GPATCH2: variants seen among roughly 807,000 people sequenced by gnomAD.
The protein encoded by GPATCH2 is G-patch domain containing 2.
A neutral mutation model predicts 58.0 loss-of-function variants in GPATCH2; 51 were observed. The observed-to-expected ratio is 0.88, with a 90% CI of 0.70 to 1.11. The LOEUF is 1.11. Ranked by LOEUF, GPATCH2 falls within the 50% of genes most tolerant of loss-of-function variation. The probability of loss-of-function intolerance (pLI) is 0.00; values close to 1 mark genes in which losing one functional copy is unlikely to be tolerated. For synonymous variants in GPATCH2, 222 were observed against 218.5 expected (o/e 1.02, Z -0.14); for missense variants, 625 against 652.2 (o/e 0.96, Z 0.45).
At chr1:217,489,738 T>A (rs2102530374) in intron 8 of GPATCH2, among the ~76,000 whole-genome samples, 1 of 152,302 alleles carries the variant, frequency 6.6e-6, no homozygotes, top group African/African-American at 2.4e-5. Flanking sequence ...GGCACATGCC[T>A]GTAATCCCAG....
intron 5 of GPATCH2, among the ~76,000 whole-genome samples, chr1:217,561,060 A>G (rs1216401487): frequency 6.6e-6 from 1 of 152,188 alleles, no homozygotes; most frequent in Non-Finnish European, 1.5e-5. Context: ...GAGTAATTCC[A>G]TTCACTTCTG....
intron 5 of GPATCH2, among the ~76,000 whole-genome samples, chr1:217,583,692 C>A (rs1452611967): frequency 6.7e-6 from 1 of 148,738 alleles, no homozygotes; most frequent in African/African-American, 2.5e-5. Flanking sequence ...ACAGGAAGCA[C>A]AACATAAAAA....
chr1:217,450,699 T>C (rs1659622302), intron 8 of GPATCH2, among the ~76,000 whole-genome samples: 1 of 152,184 alleles, frequency 6.6e-6, no homozygotes, highest in Non-Finnish European at 1.5e-5. Context: ...TTCATTCTGT[T>C]AATGACTAAC....
intron 5 of GPATCH2, among the ~76,000 whole-genome samples, chr1:217,565,639 C>A (rs57782356): frequency 0.03 from 4,615 of 152,176 alleles, 243 homozygotes; most frequent in African/African-American, 0.11. Context: ...TGTGAGGTTT[C>A]TTTTTCTTTT....
intron 9 of GPATCH2, among the ~76,000 whole-genome samples, chr1:217,438,188 A>T (rs561975768): frequency 6.6e-6 from 1 of 152,278 alleles, no homozygotes; most frequent in African/African-American, 2.4e-5. Context: ...TAGCATCAAC[A>T]TCAACAAAAA....
chr1:217,534,597 T>A (rs1006072308), intron 5 of GPATCH2, among the ~76,000 whole-genome samples: 32 of 151,268 alleles, frequency 2.1e-4, no homozygotes, highest in Admixed American at 8.6e-4. Context: ...AAAGAACATT[T>A]AGGATATCTA....
intron 5 of GPATCH2, among the ~76,000 whole-genome samples, chr1:217,532,877 CTTTTTTTTGTTT>C (rs1393937700): frequency 7.4e-6 from 1 of 134,270 alleles, no homozygotes; most frequent in Non-Finnish European, 1.6e-5. Flanking sequence ...TGCTCTTTAT[CTTTTTTTTGTTT>C]TTTTTTTTTT....
chr1:217,480,379 G>A (rs1433718651), intron 8 of GPATCH2, among the ~76,000 whole-genome samples: 1 of 152,122 alleles, frequency 6.6e-6, no homozygotes, highest in Non-Finnish European at 1.5e-5. Context: ...ATGGCAAACA[G>A]GCATATGAAA....
At chr1:217,579,450 G>C (rs575526492) in intron 5 of GPATCH2, among the ~76,000 whole-genome samples, 1 of 151,894 alleles carries the variant, frequency 6.6e-6, no homozygotes, top group Non-Finnish European at 1.5e-5. Context: ...AAATTCGCTT[G>C]ACTTAATATT....
Position 217,522,055 on chromosome 1 carries a change from T to C in GPATCH2, c.1099-7166A>G, listed in dbSNP as rs1201745820. ...GAAAATTATACTGTTTAGAAATATA[T>C]ACATACACATATAGTTGTATGTATG... is the stretch of plus-strand genomic sequence containing the variant. On this transcript the variant is annotated intron_variant, in intron 5 of 9. Coordinates refer to ENST00000366935, the MANE Select transcript of GPATCH2 (RefSeq NM_018040.5). Among the ~76,000 whole-genome samples, 3 of 152,338 alleles carry C rather than the reference T, an allele frequency of 2.0e-5. No homozygotes were observed. The East Asian group carries it at 5.8e-4, about 29-fold the overall frequency.
In GPATCH2 at chr1:217,452,021, G is replaced by A. The variant is rs541032142; in HGVS notation, c.1278-2684C>T. ...GTTGGCAGAAGGGACTGTATAACAC[G>A]AATGGAAAAGAGCACTGCGGCTGGA... On this transcript the variant is annotated intron_variant, in intron 8 of 9. Transcript: ENST00000366935. 1.7e-3 allele frequency among the ~76,000 whole-genome samples: 258 copies of A among 152,294 alleles called. 2 individuals are homozygous for A. The highest frequency in any genetic ancestry group is 5.8e-3 in the African/African-American group (243 of 41,564).
chr1:217,479,030 T>G (rs1372665184), intron 8 of GPATCH2, among the ~76,000 whole-genome samples: 1 of 151,666 alleles, frequency 6.6e-6, no homozygotes, highest in Non-Finnish European at 1.5e-5. Flanking sequence ...GTTTATCTGG[T>G]CAAAATATCC....
At chr1:217,498,822 T>G in intron 6 of GPATCH2, 1 of 252,132 alleles carries the variant, frequency 4.0e-6, no homozygotes, top group East Asian at 1.3e-4. Context: ...TATCTAGCTA[T>G]GCCCCCAGGA....
At position 217,474,929 on chromosome 1, in the gene GPATCH2, T is replaced by C. The variant is rs371540095; in HGVS notation, c.1277+16751A>G. ...GAAAATGGATTGAATGAGAGTAACA[T>C]AGAAAAATGCATATAAATAAAAAAG... On this transcript the variant is annotated intron_variant, in intron 8 of 9. Coordinates refer to ENST00000366935, the MANE Select transcript of GPATCH2 (RefSeq NM_018040.5). Among the ~76,000 whole-genome samples the C allele has an allele frequency of 1.2e-4, 19 of 152,214 alleles. No homozygotes were observed. In the East Asian group the frequency reaches 1.5e-3, roughly 12 times the overall value.
intron 5 of GPATCH2, among the ~76,000 whole-genome samples, chr1:217,578,624 A>G (rs1330409265): frequency 6.6e-6 from 1 of 152,098 alleles, no homozygotes; most frequent in African/African-American, 2.4e-5. Context: ...TCTTACATCA[A>G]AGTTTTTACC....
At chr1:217,598,213 C>T (rs1667938100) in intron 5 of GPATCH2, among the ~76,000 whole-genome samples, 1 of 151,938 alleles carries the variant, frequency 6.6e-6, no homozygotes, top group Non-Finnish European at 1.5e-5. Flanking sequence ...TATCGAAACC[C>T]TGACTCTACT....
intron 5 of GPATCH2, among the ~76,000 whole-genome samples, chr1:217,570,958 T>G (rs980344585): frequency 1.3e-5 from 2 of 152,182 alleles, no homozygotes; most frequent in African/African-American, 4.8e-5. Flanking sequence ...TAAGCAAACT[T>G]AGGCAAAGAA....
chr1:217,521,882 C>T (rs1336923065), intron 5 of GPATCH2, among the ~76,000 whole-genome samples: 2 of 152,254 alleles, frequency 1.3e-5, no homozygotes, highest in East Asian at 1.9e-4. Context: ...AATCCGTACA[C>T]GTGTGTTGCA....
At chr1:217,598,603 C>A (rs1317405070) in intron 5 of GPATCH2, among the ~76,000 whole-genome samples, 1 of 151,854 alleles carries the variant, frequency 6.6e-6, no homozygotes, top group Non-Finnish European at 1.5e-5. Context: ...CAGGTGCCTG[C>A]CACAGGTACC....
Sources: allele counts gnomAD v4.1 joint callset (sites outside exome capture counted in the v4.1 genomes callset), GRCh38; gene constraint gnomAD v4.1.1; transcripts MANE v1.5; gene names NCBI Gene and HGNC (gene_info 2026-07-23, HGNC 2026-07-21).